TBC1D17: variants seen among roughly 807,000 people sequenced by gnomAD.
TBC1D17 encodes TBC1 domain family member 17, also known as TBC1 domain family, member 17.
A neutral mutation model predicts 78.8 loss-of-function variants in TBC1D17; 69 were observed. The ratio of observed to expected loss-of-function variants is 0.88; its 90% CI spans 0.72 to 1.07. The LOEUF (loss-of-function observed/expected upper bound fraction) is 1.07, where lower values mean the gene tolerates loss of function less well. Ranked by LOEUF, TBC1D17 falls within the 50% of genes least tolerant of loss-of-function variation. TBC1D17 has a pLI of 0.00. For synonymous variants in TBC1D17, 456 were observed against 358.3 expected, an observed-to-expected ratio of 1.27 and a Z score of -3.08; for missense variants, 957 against 861.0, an observed-to-expected ratio of 1.11 and a Z score of -1.39.
In TBC1D17 at chr19:49,878,231, T is replaced by C; in HGVS notation, c.110T>C (p.Val37Ala). The C allele has an allele frequency of 6.4e-7, 1 of 1,558,130 alleles. No individual in the cohort carries two copies. Among genetic ancestry groups the C allele is most frequent in the African/African-American group, 1.4e-5 (1 of 73,314 alleles). Residue 37 changes from valine to alanine, a missense_variant, in exon 2 of 17, where the codon GTC becomes GCC. Coordinates refer to ENST00000221543, the MANE Select transcript of TBC1D17 (RefSeq NM_024682.3). Reference protein sequence around the residue: ...RDSLIAGVIRVVEKDNDVLLH... With the variant: ...RDSLIAGVIRAVEKDNDVLLH... The stretch of plus-strand genomic sequence containing the variant: ...TCTCTCATCGCTGGTGTCATCCGTG[T>C]CGTGGAAAAGGTGCGCTGGGAGGGA...
intron 7 of TBC1D17, 67 bp downstream of exon 7, chr19:49,882,467 C>T: frequency 6.4e-7 from 1 of 1,554,594 alleles, no homozygotes; most frequent in South Asian, 1.2e-5. Context: ...ATTTCATTTC[C>T]CTGGGCCTCA....
At chr19:49,882,669 C>G in intron 7 of TBC1D17, 95 bp from the exon 8 acceptor site, 1 of 1,437,464 alleles carries the variant, frequency 7.0e-7, no homozygotes, top group Non-Finnish European at 9.1e-7. Context: ...AGTCATCCGT[C>G]AAGCTAATAA....
chr19:49,881,435 G>T lies in TBC1D17; in HGVS notation c.487G>T (p.Ala163Ser), dbSNP rs527461980. ...ALHFHRGGTR[A>S]LLRVLSRYLL... ...GCACTTCCACCGCGGGGGCACCCGCGCCCTGCTCCGCGTCCTCAGCCGCTA... is the reference window on the plus strand; with the variant it reads ...GCACTTCCACCGCGGGGGCACCCGCTCCCTGCTCCGCGTCCTCAGCCGCTA... Residue 163 changes from alanine (A) to serine (S), a missense_variant, in exon 5 of 17, where the codon GCC becomes TCC. Ala to Ser is a moderately conservative substitution (Grantham distance 99). Coordinates refer to ENST00000221543, the MANE Select transcript of TBC1D17 (RefSeq NM_024682.3). 1.9e-6 allele frequency: 3 copies of T among 1,611,484 alleles called. No homozygotes were observed. Among genetic ancestry groups the T allele is most frequent in the Non-Finnish European group, 1.7e-6 (2 of 1,179,868 alleles).
At position 49,880,357 on chromosome 19, in the gene TBC1D17, A is replaced by G. The variant is rs1421085418; in HGVS notation, c.274A>G (p.Ile92Val). 2 of 1,614,050 alleles carry G rather than the reference A, an allele frequency of 1.2e-6. No individual in the cohort carries two copies. Among genetic ancestry groups the G allele is most frequent in the Non-Finnish European group, 1.7e-6 (2 of 1,179,994 alleles). The part of the protein sequence containing the change: ...DPGYEPDWAV[I>V]STVRPQLCHS... The stretch of plus-strand genomic sequence containing the variant: ...CGGCTATGAACCTGACTGGGCTGTC[A>G]TCAGCACTGTGCGGCCACAGCTCTG... The change falls in exon 4 of 17, where the codon ATC becomes GTC. Residue 92 changes from isoleucine to valine, a missense_variant. Coordinates refer to ENST00000221543, the MANE Select transcript of TBC1D17 (RefSeq NM_024682.3).
intron 1 of TBC1D17, 101 bp downstream of exon 1, chr19:49,877,845 G>A (rs2074969464): frequency 7.1e-7 from 1 of 1,410,386 alleles, no homozygotes; most frequent in Non-Finnish European, 9.7e-7. Flanking sequence ...ATCCGGCACG[G>A]CCTTGGCAAA....
chr19:49,888,216 C>G lies in TBC1D17; in HGVS notation c.1660-15C>G. The G allele has an allele frequency of 6.4e-7, 1 of 1,569,054 alleles. No homozygotes were observed. The highest frequency in any genetic ancestry group is 8.6e-7 in the Non-Finnish European group (1 of 1,157,562). On this transcript the variant is annotated splice_polypyrimidine_tract_variant and intron_variant, in intron 15 of 16. Coordinates refer to ENST00000221543, the MANE Select transcript of TBC1D17 (RefSeq NM_024682.3). ...GTTGAGTGCCGACTGGCGCCTGACC[C>G]ACCCCCTCCCGCAGCACATCAACGA...
chr19:49,884,209 C>T, intron 10 of TBC1D17, 44 bp from the exon 11 acceptor site: 1 of 1,570,924 alleles, frequency 6.4e-7, no homozygotes, highest in Non-Finnish European at 8.8e-7. Context: ...GGGATGGGCC[C>T]CCCTACCTTT....
rs781406716 is a variant in TBC1D17, at chr19:49,877,991, G to C, written c.22-152G>C. The stretch of plus-strand genomic sequence containing the variant: ...GGAACGCACGTCAGCATCCGAACGC[G>C]GGCTGGACCATTCTCCCCGCCTTGG... On this transcript the variant is annotated intron_variant, in intron 1 of 16. Coordinates refer to ENST00000221543, the MANE Select transcript of TBC1D17 (RefSeq NM_024682.3). The C allele has an allele frequency of 2.2e-4, 160 of 744,060 alleles. 1 individual carries two copies. Among genetic ancestry groups the C allele is most frequent in the Middle Eastern group, 6.5e-4 (2 of 3,098 alleles). The allele number at this position is 744,060 out of a possible 1,614,324, so 46.1% of individuals were successfully genotyped here.
At position 49,888,499 on chromosome 19, in the gene TBC1D17, T is replaced by G; in HGVS notation, c.1822T>G (p.Ser608Ala). Residue 608 changes from serine to alanine, a missense_variant, in exon 17 of 17, where the codon TCC (serine) becomes GCC (alanine). Transcript: ENST00000221543. ...GCCCCACAGCCCCTCGCCCACCGCC[T>G]CCCCGCTGCCTCTGTCGCCCACCCG... ...AEPHSPSPTA[S>A]PLPLSPTRAP... 1 of 1,449,886 alleles carries G rather than the reference T, an allele frequency of 6.9e-7. No individual in the cohort carries two copies. The highest frequency in any genetic ancestry group is 9.1e-7 in the Non-Finnish European group (1 of 1,094,352). The allele number at this position is 1,449,886 out of a possible 1,614,324, so 89.8% of individuals were successfully genotyped here. A position where few individuals can be genotyped will look rare whatever the true frequency, so the allele number is the denominator to read the frequency against.
At chr19:49,881,583 C>A (rs2122439175) in intron 5 of TBC1D17, 108 bp downstream of exon 5, 2 of 1,131,076 alleles carry the variant, frequency 1.8e-6, no homozygotes, top group Non-Finnish European at 2.5e-6. Context: ...GATTTAAAGG[C>A]AGGCAAAGAG....
chr19:49,884,401 G>C, intron 11 of TBC1D17, 32 bp downstream of exon 11: 1 of 1,613,532 alleles, frequency 6.2e-7, no homozygotes, highest in Non-Finnish European at 8.5e-7. Flanking sequence ...GGGCGTGGCC[G>C]GGGCTGTCCA....
chr19:49,882,828 G>A lies in TBC1D17; in HGVS notation c.863G>A (p.Arg288His), dbSNP rs374395158. ...CCAGTTACAGAGGAGGAGTGGGCAC[G>A]CCACGTGGGCCCTGAAGGTCGCCTG... ...GPPVTEEEWARHVGPEGRLQQ... is the reference protein window; with the variant it reads ...GPPVTEEEWAHHVGPEGRLQQ... Residue 288 changes from arginine (R) to histidine (H), a missense_variant, in exon 8 of 17, where the codon CGC becomes CAC. Transcript: ENST00000221543. 3.7e-5 allele frequency: 60 copies of A among 1,610,550 alleles called. No individual in the cohort carries two copies. Among genetic ancestry groups the A allele is most frequent in the East Asian group, 1.3e-4 (6 of 44,824 alleles).
rs969345118 is a variant in TBC1D17, at chr19:49,882,249, T to A, written c.647T>A (p.Leu216His). The A allele has an allele frequency of 2.5e-6, 4 of 1,612,118 alleles. No individual in the cohort carries two copies. The African/African-American group carries it at 5.3e-5, about 22-fold the overall frequency. The change falls in exon 7 of 17, where the codon CTC becomes CAC. Residue 216 changes from leucine (L) to histidine (H), a missense_variant. Leu to His is a moderately conservative substitution (Grantham distance 99). Coordinates refer to ENST00000221543, the MANE Select transcript of TBC1D17 (RefSeq NM_024682.3). ...QDSSNVVSRFLQDPYSTTFSS... is the reference protein window; with the variant it reads ...QDSSNVVSRFHQDPYSTTFSS... ...CTTTGGCCTCGTCCCCAGCGCTTCC[T>A]CCAGGATCCCTACTCCACCACCTTC...
Position 49,883,037 on chromosome 19 carries a change from G to A in TBC1D17, c.992G>A (p.Gly331Asp). Residue 331 changes from glycine to aspartate, a missense_variant, in exon 9 of 17, where the codon GGC (glycine) becomes GAC (aspartate). By Grantham distance (94) the Gly-to-Asp change is moderately conservative. Coordinates refer to ENST00000221543, the MANE Select transcript of TBC1D17 (RefSeq NM_024682.3). ...KFLLGYLSWE[G>D]TAEEHKAHIR... ...CTCCTAGGGTACCTCAGCTGGGAAG[G>A]CACAGCTGAGGAGCACAAGGCCCAC... is the stretch of plus-strand genomic sequence containing the variant. The A allele has an allele frequency of 1.2e-6, 2 of 1,611,290 alleles. No homozygotes were observed. Among genetic ancestry groups the A allele is most frequent in the Non-Finnish European group, 1.7e-6 (2 of 1,178,974 alleles).
At chr19:49,885,486 T>C (rs191961653) in intron 13 of TBC1D17, 1 of 150,846 alleles carries the variant, frequency 6.6e-6, no homozygotes, top group African/African-American at 2.5e-5. Context: ...TCTTTATTAC[T>C]TGGTCAATGT....
At chr19:49,878,754 A>G in intron 3 of TBC1D17, 182 bp downstream of exon 3, 1 of 601,898 alleles carries the variant, frequency 1.7e-6, no homozygotes, top group Non-Finnish European at 3.0e-6. Context: ...GAGGATGCCC[A>G]TTCAAGGAAA....
At position 49,881,416 on chromosome 19, in the gene TBC1D17, C is replaced by T; in HGVS notation, c.468C>T (p.Phe156=). ...QAGGSLPALH[F]HRGGTRALLR... ...GAGGTTCCCTGCCCGCACTGCACTT[C>T]CACCGCGGGGGCACCCGCGCCCTGC... The change falls in exon 5 of 17, where the codon TTC becomes TTT. Residue 156 remains phenylalanine, a synonymous_variant. Coordinates refer to ENST00000221543, the MANE Select transcript of TBC1D17 (RefSeq NM_024682.3). 1.2e-6 allele frequency: 2 copies of T among 1,612,736 alleles called. No individual in the cohort carries two copies. The highest frequency in any genetic ancestry group is 1.7e-6 in the Non-Finnish European group (2 of 1,179,968).
chr19:49,880,043 A>G (rs2074998734), intron 3 of TBC1D17, among the ~76,000 whole-genome samples: 1 of 151,354 alleles, frequency 6.6e-6, no homozygotes, highest in Non-Finnish European at 1.5e-5. Context: ...TTTTTAGTAG[A>G]AACGAGGTTT....
At position 49,877,744 on chromosome 19, in the gene TBC1D17, G is replaced by C; in HGVS notation, c.21G>C (p.Arg7Ser). 6.3e-7 allele frequency: 1 copy of C among 1,595,498 alleles called. No homozygotes were observed. The highest frequency in any genetic ancestry group is 8.5e-7 in the Non-Finnish European group (1 of 1,172,056). Residue 7 changes from arginine to serine, a missense_variant and splice_region_variant, in exon 1 of 17, where the codon AGG (arginine) becomes AGC (serine). Coordinates refer to ENST00000221543, the MANE Select transcript of TBC1D17 (RefSeq NM_024682.3). ...CGACTATGGAAGGAGCCGGCTACAG[G>C]GTAAGCACTGAGGACGCATTCCCTC... is the stretch of plus-strand genomic sequence containing the variant. MEGAGYRVVFEKGGVYL... is the reference protein window; with the variant it reads MEGAGYSVVFEKGGVYL...
Sources: gnomAD v4.1 joint callset for allele counts (sites outside exome capture counted in the v4.1 genomes callset) on GRCh38, gnomAD v4.1.1 for gene constraint, MANE v1.5 for transcripts, NCBI Gene and HGNC (gene_info 2026-07-23, HGNC 2026-07-21) for gene names.